Variants in CPM observed in about 807,000 individuals in gnomAD.
CPM encodes the protein renal carboxypeptidase.
CPM carries 35 observed loss-of-function variants against 46.4 expected under a neutral mutation model. The ratio of observed to expected loss-of-function variants is 0.75; its 90% CI spans 0.58 to 1.00. The LOEUF (loss-of-function observed/expected upper bound fraction) is 1.00, where lower values mean the gene tolerates loss of function less well. Among genes scored for constraint, CPM ranks in the 50% least tolerant of loss-of-function variants. CPM has a pLI of 0.00. For missense variants in CPM, 422 were observed against 530.4 expected, an observed-to-expected ratio of 0.80 and a Z score of 2.01; for synonymous variants, 195 against 195.3, an observed-to-expected ratio of 1.00 and a Z score of 0.01.
chr12:68,875,359 A>G (rs1250574732), intron 3 of CPM, among the ~76,000 whole-genome samples: 1 of 111,376 alleles, frequency 9.0e-6, no homozygotes, highest in South Asian at 3.0e-4. Context: ...CACCTCAAAA[A>G]AAAAAGAAGT....
At chr12:68,934,650 A>C (rs747368028), upstream of CPM, among the ~76,000 whole-genome samples, 4 of 151,968 alleles carry the variant, frequency 2.6e-5, no homozygotes, top group Non-Finnish European at 5.9e-5. Flanking sequence ...CCTAGAACTT[A>C]AAGTATATAT....
chr12:68,881,349 A>G (rs1331694800), intron 3 of CPM, among the ~76,000 whole-genome samples: 2 of 152,244 alleles, frequency 1.3e-5, no homozygotes, highest in African/African-American at 4.8e-5. Flanking sequence ...CTCTTTATCA[A>G]GCCTAGTATC....
At chr12:68,936,392 CT>C (rs201308286), upstream of CPM, among the ~76,000 whole-genome samples, 6 of 151,286 alleles carry the variant, frequency 4.0e-5, no homozygotes, top group East Asian at 3.9e-4. Context: ...TTTCTTTCTT[CT>C]TTTTTTTTGA....
At chr12:68,878,559 G>C (rs181424758) in intron 3 of CPM, among the ~76,000 whole-genome samples, 4 of 151,996 alleles carry the variant, frequency 2.6e-5, no homozygotes, top group Admixed American at 1.3e-4. Flanking sequence ...CTATGATTTC[G>C]TCTCCGACCT....
chr12:68,852,483 T>C lies in CPM; in HGVS notation c.*3954A>G, dbSNP rs1320992317. The C allele has an allele frequency of 6.6e-6, 1 of 152,114 alleles. No individual in the cohort carries two copies. Among genetic ancestry groups the C allele is most frequent in the Non-Finnish European group, 1.5e-5 (1 of 68,050 alleles). The allele number at this position is 152,114 out of a possible 1,614,324, so 9.4% of individuals were successfully genotyped here. On this transcript the variant is annotated 3_prime_UTR_variant, in exon 9 of 9. Transcript: ENST00000551568. ...AGCGTGGCGGGGGGTGGTCTCCATT[T>C]TACAGATAAAGAAACTGAATGTGTG...
At chr12:68,887,463 T>C (rs1297236472) in intron 2 of CPM, among the ~76,000 whole-genome samples, 2 of 152,246 alleles carry the variant, frequency 1.3e-5, no homozygotes, top group African/African-American at 4.8e-5. Flanking sequence ...TCAACATTTA[T>C]TCATAATTTA....
chr12:68,843,106 TA>T, intron 5 of CPM: 16 of 218,046 alleles, frequency 7.3e-5, no homozygotes, highest in East Asian at 2.0e-4. Context: ...TTTTTTTTTT[TA>T]AAGCCACACA....
Position 68,870,338 on chromosome 12 carries a change from C to T in CPM, c.493G>A (p.Val165Ile), listed in dbSNP as rs1281236209. The T allele has an allele frequency of 6.2e-7, 1 of 1,614,044 alleles. No individual in the cohort carries two copies. Among genetic ancestry groups the T allele is most frequent in the Non-Finnish European group, 8.5e-7 (1 of 1,180,034 alleles). ...NFPDAFEYNN[V>I]SRQPETVAVM... The stretch of plus-strand genomic sequence containing the variant: ...GCCACAGTTTCAGGCTGCCTTGAGA[C>T]ATTATTATATTCAAAAGCATCGGGG... Residue 165 changes from valine (V) to isoleucine (I), a missense_variant, in exon 5 of 9, where the codon GTC (valine) becomes ATC (isoleucine). By Grantham distance (29) the Val-to-Ile change is conservative. Coordinates refer to ENST00000551568, the MANE Select transcript of CPM (RefSeq NM_198320.5).
intron 2 of CPM, among the ~76,000 whole-genome samples, chr12:68,904,799 G>C (rs781481295): frequency 2.0e-5 from 3 of 152,150 alleles, no homozygotes; most frequent in Non-Finnish European, 2.9e-5. Flanking sequence ...AGAGAGAGGA[G>C]GATCCTCATA....
intron 2 of CPM, among the ~76,000 whole-genome samples, chr12:68,906,003 C>T (rs1174980917): frequency 2.0e-5 from 3 of 152,140 alleles, no homozygotes; most frequent in East Asian, 1.9e-4. Context: ...TGCAAGAACA[C>T]CTTGGCATGC....
At chr12:68,847,629 A>G (rs2136198830), downstream of CPM, 1 of 149,908 alleles carries the variant, frequency 6.7e-6, no homozygotes, top group East Asian at 2.0e-4. Flanking sequence ...AATTTTTTGT[A>G]TTTTTAGTAG....
chr12:68,941,848 ATTTG>A lies in CPM; in HGVS notation c.-3-9012_-3-9009del, dbSNP rs1888769790. ...AGATCAGTACCCCCAGCAAAACCGG[ATTTG>A]TTTGTTTTTGATAAAAAAGGAAAGT... On this transcript the variant is annotated intron_variant, in intron 1 of 8. Transcript: ENST00000546373. Among the ~76,000 whole-genome samples the A allele has an allele frequency of 3.9e-5, 6 of 152,234 alleles. 1 individual carries two copies. The South Asian group carries it at 1.2e-3, about 32-fold the overall frequency.
intron 1 of CPM, among the ~76,000 whole-genome samples, chr12:68,944,057 A>G (rs1245004974): frequency 3.3e-5 from 5 of 152,228 alleles, no homozygotes; most frequent in African/African-American, 1.2e-4. Context: ...TTACTTTTCA[A>G]TGACCCTTTT....
chr12:68,936,072 AG>A (rs932353339), upstream of CPM, among the ~76,000 whole-genome samples: 11 of 152,138 alleles, frequency 7.2e-5, no homozygotes, highest in Non-Finnish European at 1.3e-4. Flanking sequence ...GAATGGAGGT[AG>A]GGGGTACAGA....
At chr12:68,870,480 G>A (rs529453541) in intron 4 of CPM, 81 bp from the exon 5 acceptor site, 5 of 1,267,568 alleles carry the variant, frequency 3.9e-6, no homozygotes, top group Non-Finnish European at 4.4e-6. Context: ...CTTTGGTTTA[G>A]GCTCCAGGTG....
At position 68,918,305 on chromosome 12, in the gene CPM, T is replaced by C. The variant is rs375528242; in HGVS notation, c.160+14373A>G. ...TCTACTCTCTTGCTAGATTATTTTA[T>C]TAGTCCTGCAGGTTTCAATACCATT... On this transcript the variant is annotated intron_variant, in intron 2 of 8. Coordinates refer to ENST00000551568, the MANE Select transcript of CPM (RefSeq NM_198320.5). Among the ~76,000 whole-genome samples, 82 of 152,312 alleles carry C rather than the reference T, an allele frequency of 5.4e-4. 1 individual carries two copies. The highest frequency in any genetic ancestry group is 1.9e-3 in the African/African-American group (79 of 41,558).
At chr12:68,925,180 C>T (rs1303946216) in intron 2 of CPM, among the ~76,000 whole-genome samples, 1 of 152,126 alleles carries the variant, frequency 6.6e-6, no homozygotes, top group Non-Finnish European at 1.5e-5. Context: ...TCTTAATATG[C>T]ATTTCCCAAG....
intron 1 of CPM, among the ~76,000 whole-genome samples, chr12:68,950,892 G>A (rs760623567): frequency 1.3e-5 from 2 of 152,202 alleles, no homozygotes; most frequent in African/African-American, 2.4e-5. Context: ...CCAACTTCAT[G>A]TCCATCTTTC....
intron 1 of CPM, among the ~76,000 whole-genome samples, chr12:68,953,773 A>C (rs1281773361): frequency 6.6e-6 from 1 of 152,260 alleles, no homozygotes; most frequent in East Asian, 1.9e-4. Flanking sequence ...CTCAATAAAA[A>C]TATTCGTTGA....
Sources: allele counts gnomAD v4.1 joint callset (sites outside exome capture counted in the v4.1 genomes callset), GRCh38; gene constraint gnomAD v4.1.1; transcripts MANE v1.5; gene names NCBI Gene and HGNC (gene_info 2026-07-23, HGNC 2026-07-21).